The following ABCC2 variants were observed in gnomAD, a reference collection of about 807,000 sequenced individuals.
ABCC2 encodes ATP-binding cassette sub-family C member 2.
Under a neutral mutation model 173.4 loss-of-function variants are expected in ABCC2, and 157 were observed. That is an observed-to-expected ratio of 0.91 (90% CI 0.80 to 1.03). The LOEUF is 1.03. ABCC2 is among the 50% of genes least tolerant of loss of function. The pLI is 0.00. For missense variants in ABCC2, 1,822 were observed against 1,852.3 expected (o/e 0.98, Z 0.30); for synonymous variants, 657 against 693.5 (o/e 0.95, Z 0.83).
At chr10:99,785,348 G>A (rs187946150) in intron 2 of ABCC2, among the ~76,000 whole-genome samples, 191 of 152,298 alleles carry the variant, frequency 1.3e-3, no homozygotes, top group African/African-American at 4.4e-3. Context: ...AGGTCTGCGG[G>A]AGAGGCCCAG....
At chr10:99,822,347 C>T (rs1228146042) in intron 19 of ABCC2, among the ~76,000 whole-genome samples, 1 of 151,692 alleles carries the variant, frequency 6.6e-6, no homozygotes, top group African/African-American at 2.4e-5. Context: ...GGCGGCTCTG[C>T]CTTCTTGGTG....
chr10:99,831,512 C>G (rs879058918), intron 21 of ABCC2, 99 bp from the exon 22 acceptor site: 2 of 1,210,810 alleles, frequency 1.7e-6, no homozygotes, highest in South Asian at 2.4e-5. Flanking sequence ...TACCCATGCT[C>G]CCAGGGGACT....
chr10:99,795,801 A>AAGAAAGAAAGAAAGAAAGAAAGAAAGAG lies in ABCC2; in HGVS notation c.633-1293_633-1292insAAGAAAGAAAGAAAGAAAGAAAGAGAGA, dbSNP rs58906337. On this transcript the variant is annotated intron_variant, in intron 6 of 31. Transcript: ENST00000647814. ...AAAGAAAGAAAGAAAGAAAGAAAGA[A>AAGAAAGAAAGAAAGAAAGAAAGAAAGAG]AGATTTCTAAATGCTAGATTTCAGT... Among the ~76,000 whole-genome samples, 88 of 102,372 alleles carry AAGAAAGAAAGAAAGAAAGAAAGAAAGAG rather than the reference A, an allele frequency of 8.6e-4. 1 individual carries two copies. The highest frequency in any genetic ancestry group is 2.6e-3 in the African/African-American group (72 of 27,312). 67.2% of individuals were successfully genotyped at this position (102,372 alleles called of 152,430 possible). A position where few individuals can be genotyped will look rare whatever the true frequency, so the allele number is the denominator to read the frequency against.
intron 30 of ABCC2, among the ~76,000 whole-genome samples, chr10:99,849,130 T>G (rs768914580): frequency 2.9e-4 from 44 of 152,190 alleles, no homozygotes; most frequent in Non-Finnish European, 4.3e-4. Context: ...CTCAGGAGGC[T>G]GAGGCAGGAG....
chr10:99,834,283 AC>A (rs2038783990), intron 23 of ABCC2, 96 bp from the exon 24 acceptor site: 1 of 1,274,726 alleles, frequency 7.8e-7, no homozygotes, highest in East Asian at 2.4e-5. Flanking sequence ...TACTGGGAAC[AC>A]ACAGAATCCA....
chr10:99,817,169 A>G (rs1419110307), intron 16 of ABCC2, 139 bp from the exon 17 acceptor site: 1 of 771,196 alleles, frequency 1.3e-6, no homozygotes, highest in Non-Finnish European at 2.2e-6. Context: ...GTGAATACAT[A>G]TCAGATCCTC....
intron 19 of ABCC2, 47 bp from the exon 20 acceptor site, chr10:99,830,260 C>T (rs370591039): frequency 1.4e-5 from 22 of 1,613,376 alleles, no homozygotes; most frequent in Non-Finnish European, 1.9e-5. Flanking sequence ...ATAGGACTGA[C>T]AGGGATCTAT....
intron 19 of ABCC2, among the ~76,000 whole-genome samples, chr10:99,829,382 A>C (rs979115776): frequency 6.6e-5 from 10 of 152,166 alleles, no homozygotes; most frequent in African/African-American, 2.4e-4. Context: ...GCTCTTCAAA[A>C]ACACAAATGC....
intron 14 of ABCC2, 134 bp downstream of exon 14, chr10:99,810,352 T>G (rs2038188945): frequency 1.4e-6 from 1 of 731,288 alleles, no homozygotes; most frequent in African/African-American, 1.7e-5. Context: ...TTGCATAAGA[T>G]ACAAACTGTT....
At chr10:99,825,383 A>G (rs1299892113) in intron 19 of ABCC2, among the ~76,000 whole-genome samples, 1 of 152,178 alleles carries the variant, frequency 6.6e-6, no homozygotes, top group African/African-American at 2.4e-5. Context: ...TAAAGCAATG[A>G]TAGAGACATC....
At chr10:99,809,209 C>T (rs1397357953) in intron 13 of ABCC2, among the ~76,000 whole-genome samples, 1 of 152,042 alleles carries the variant, frequency 6.6e-6, no homozygotes, top group East Asian at 1.9e-4. Flanking sequence ...AAAAATTAGC[C>T]AGGCATGGTG....
intron 2 of ABCC2, among the ~76,000 whole-genome samples, chr10:99,787,256 G>A (rs555534770): frequency 1.3e-5 from 2 of 151,628 alleles, no homozygotes; most frequent in South Asian, 2.1e-4. Context: ...CTTTAACCCC[G>A]TCTCCTCCTT....
At position 99,834,405 on chromosome 10, in the gene ABCC2, T is replaced by C; in HGVS notation, c.3284T>C (p.Leu1095Pro). 1 of 1,614,188 alleles carries C rather than the reference T, an allele frequency of 6.2e-7. No individual in the cohort carries two copies. The highest frequency in any genetic ancestry group is 1.3e-5 in the African/African-American group (1 of 75,042). ...GATATTTCCACAGTGGATGACACCC[T>C]GCCTCAGTCCTTGCGCAGCTGGATT... is the stretch of plus-strand genomic sequence containing the variant. ...AGDISTVDDT[L>P]PQSLRSWITC... The change falls in exon 24 of 32, where the codon CTG (leucine) becomes CCG (proline). Residue 1095 changes from leucine (L) to proline (P), a missense_variant. Transcript: ENST00000647814.
chr10:99,850,755 C>G lies in ABCC2; in HGVS notation c.4467C>G (p.Ile1489Met), dbSNP rs1424766401. The G allele has an allele frequency of 1.2e-6, 2 of 1,614,196 alleles. No individual in the cohort carries two copies. Among genetic ancestry groups the G allele is most frequent in the Non-Finnish European group, 1.7e-6 (2 of 1,180,032 alleles). The change falls in exon 31 of 32, where the codon ATC (isoleucine) becomes ATG (methionine). Residue 1489 changes from isoleucine to methionine, a missense_variant. Transcript: ENST00000647814. ...ACGAGTTCGCCCACTGCACAGTGAT[C>G]ACCATCGCCCACAGGCTGCACACCA... ...IQNEFAHCTV[I>M]TIAHRLHTIM...
chr10:99,850,818 T>C, intron 31 of ABCC2, 22 bp downstream of exon 31: 1 of 1,613,784 alleles, frequency 6.2e-7, no homozygotes, highest in East Asian at 2.2e-5. Flanking sequence ...GGGACAGGGC[T>C]TGACACGGAT....
intron 6 of ABCC2, 142 bp downstream of exon 6, chr10:99,794,610 T>C (rs2037866139): frequency 2.6e-6 from 2 of 783,762 alleles, no homozygotes; most frequent in South Asian, 3.3e-5. Flanking sequence ...AATGGTGTGA[T>C]CTTGGCTCAC....
chr10:99,850,807 G>T lies in ABCC2; in HGVS notation c.4508+11G>T, dbSNP rs1224253969. On this transcript the variant is annotated intron_variant, in intron 31 of 31. Coordinates refer to ENST00000647814, the MANE Select transcript of ABCC2 (RefSeq NM_000392.5). Reference sequence around the variant, plus strand: ...CATGGACAGTGACAAGTGAGTGTAGGGGGACAGGGCTTGACACGGATGGCT... The same window carrying T: ...CATGGACAGTGACAAGTGAGTGTAGTGGGACAGGGCTTGACACGGATGGCT... The T allele has an allele frequency of 7.4e-6, 12 of 1,614,018 alleles. No individual in the cohort carries two copies.
chr10:99,819,069 A>G lies in ABCC2; in HGVS notation c.2440-20A>G. 6.2e-7 allele frequency: 1 copy of G among 1,613,566 alleles called. No individual in the cohort carries two copies. Among genetic ancestry groups the G allele is most frequent in the South Asian group, 1.1e-5 (1 of 91,056 alleles). On this transcript the variant is annotated intron_variant, in intron 18 of 31. Transcript: ENST00000647814. ...TGGTGGACATATGGTAATCAACACA[A>G]CTTCATATTATTTTTATAGACTCGA... is the stretch of plus-strand genomic sequence containing the variant.
chr10:99,814,322 T>C lies in ABCC2; in HGVS notation c.2094+1178T>C, dbSNP rs1436387715. 7.0e-5 allele frequency among the ~76,000 whole-genome samples: 10 copies of C among 142,918 alleles called. 1 individual carries two copies. Among genetic ancestry groups the C allele is most frequent in the Non-Finnish European group, 1.2e-4 (8 of 64,588 alleles). The allele number at this position is 142,918 out of a possible 152,430, so 93.8% of individuals were successfully genotyped here. ...GTATACACACATGTATATACACACG[T>C]ATGTATACACACATGTATATATACA... On this transcript the variant is annotated intron_variant, in intron 16 of 31. Transcript: ENST00000647814.
Sources: allele counts gnomAD v4.1 joint callset (sites outside exome capture counted in the v4.1 genomes callset), GRCh38; gene constraint gnomAD v4.1.1; transcripts MANE v1.5; gene names NCBI Gene and HGNC (gene_info 2026-07-23, HGNC 2026-07-21).